Variants in ITSN2 observed in about 807,000 individuals in gnomAD.
ITSN2 encodes the protein intersectin-2.
Under a neutral mutation model 243.7 loss-of-function variants are expected in ITSN2, and 156 were observed. The ratio of observed to expected loss-of-function variants is 0.64; its 90% confidence interval spans 0.56 to 0.73. The LOEUF is 0.73. Ranked by LOEUF, ITSN2 falls within the 30% of genes least tolerant of loss-of-function variation. The pLI is 0.00. For missense variants in ITSN2, 1,801 were observed against 1,996.1 expected (o/e 0.90, Z 1.86); for synonymous variants, 703 against 699.9 (o/e 1.00, Z -0.07).
chr2:24,357,065 T>C (rs1055183621), intron 1 of ITSN2, among the ~76,000 whole-genome samples: 1 of 152,226 alleles, frequency 6.6e-6, no homozygotes, highest in Non-Finnish European at 1.5e-5. Context: ...GAAGATAGTA[T>C]GGCAATTCCT....
chr2:24,357,508 G>A (rs977250046), intron 1 of ITSN2, among the ~76,000 whole-genome samples: 4 of 152,036 alleles, frequency 2.6e-5, no homozygotes, highest in Admixed American at 6.6e-5. Context: ...CTTAGAGGAC[G>A]GGTGAATAGG....
At chr2:24,304,125 C>T (rs1172570610) in intron 8 of ITSN2, among the ~76,000 whole-genome samples, 1 of 152,182 alleles carries the variant, frequency 6.6e-6, no homozygotes, top group African/African-American at 2.4e-5. Flanking sequence ...ACACAAGTGG[C>T]TAACGTGAAA....
intron 1 of ITSN2, among the ~76,000 whole-genome samples, chr2:24,337,317 T>TATATATATAC (rs1686509267): frequency 2.0e-5 from 1 of 49,172 alleles, no homozygotes; most frequent in African/African-American, 1.0e-4. Context: ...ATACACAAAA[T>TATATATATAC]ATATATATAT....
chr2:24,322,778 A>C (rs142586419), intron 2 of ITSN2, among the ~76,000 whole-genome samples: 22 of 152,310 alleles, frequency 1.4e-4, no homozygotes, highest in African/African-American at 4.6e-4. Context: ...TAAGAAAAGG[A>C]AAAGACAAAC....
chr2:24,247,857 C>T (rs112795644), intron 27 of ITSN2, among the ~76,000 whole-genome samples: 21 of 152,144 alleles, frequency 1.4e-4, no homozygotes, highest in East Asian at 3.9e-4. Flanking sequence ...CCACTTAGTT[C>T]GGTCCATCTT....
In ITSN2 at chr2:24,203,184, G is replaced by A. The variant is rs889662870; in HGVS notation, c.*442C>T. On this transcript the variant is annotated 3_prime_UTR_variant, in exon 40 of 40. Coordinates refer to ENST00000355123, the MANE Select transcript of ITSN2 (RefSeq NM_006277.3). Reference sequence around the variant, plus strand: ...GTATCAGGCCGCGCCAAGTGTCGAGGCTGCAGCCTCTCATCCTGACCCTTC... The same window carrying A: ...GTATCAGGCCGCGCCAAGTGTCGAGACTGCAGCCTCTCATCCTGACCCTTC... 1.3e-5 allele frequency: 2 copies of A among 156,344 alleles called. No homozygotes were observed. The highest frequency in any genetic ancestry group is 4.8e-5 in the African/African-American group (2 of 41,560). The allele number at this position is 156,344 out of a possible 1,614,324, so 9.7% of individuals were successfully genotyped here.
intron 1 of ITSN2, among the ~76,000 whole-genome samples, chr2:24,340,139 C>T (rs1686883676): frequency 6.6e-6 from 1 of 152,156 alleles, no homozygotes; most frequent in Non-Finnish European, 1.5e-5. Context: ...TGATTTTGGA[C>T]ATTGCTGTGC....
intron 27 of ITSN2, 137 bp downstream of exon 27, chr2:24,248,492 C>A: frequency 1.7e-6 from 1 of 589,754 alleles, no homozygotes. Context: ...AAATATAATG[C>A]AGTAAAATAT....
In ITSN2 at chr2:24,220,930, C is replaced by G. The variant is rs761775937; in HGVS notation, c.3699+15G>C. The G allele has an allele frequency of 4.4e-6, 7 of 1,587,830 alleles. No homozygotes were observed. The Admixed American group carries it at 1.3e-4, about 29-fold the overall frequency. On this transcript the variant is annotated intron_variant, in intron 30 of 39. Transcript: ENST00000355123. ...AGCAGATACCCCGAGAGCTAGCCAG[C>G]AGCAGCCTCCTCACCTCGACGACGA...
At chr2:24,355,020 A>G (rs1408553479) in intron 1 of ITSN2, among the ~76,000 whole-genome samples, 3 of 152,194 alleles carry the variant, frequency 2.0e-5, no homozygotes, top group Admixed American at 1.3e-4. Context: ...GTGAAAATAC[A>G]TATTTCTTGA....
intron 29 of ITSN2, chr2:24,240,105 T>G (rs1391975293): frequency 6.6e-6 from 1 of 152,132 alleles, no homozygotes; most frequent in Admixed American, 6.6e-5. Flanking sequence ...ATAAACTCAG[T>G]TTCAGAATTA....
chr2:24,287,264 T>C (rs1017956938), intron 15 of ITSN2, among the ~76,000 whole-genome samples: 5 of 152,148 alleles, frequency 3.3e-5, no homozygotes, highest in Non-Finnish European at 7.4e-5. Context: ...AATTGCTCCA[T>C]AGTAGTTTAC....
At chr2:24,255,331 T>C (rs1674874745) in intron 23 of ITSN2, among the ~76,000 whole-genome samples, 1 of 152,188 alleles carries the variant, frequency 6.6e-6, no homozygotes, top group South Asian at 2.1e-4. Flanking sequence ...ATTATATTCT[T>C]CTAAATCCAA....
At chr2:24,230,505 C>G (rs941835215) in intron 29 of ITSN2, among the ~76,000 whole-genome samples, 3 of 152,158 alleles carry the variant, frequency 2.0e-5, no homozygotes, top group Non-Finnish European at 2.9e-5. Flanking sequence ...CGGTGGCTCA[C>G]GCCTGTAATC....
intron 20 of ITSN2, among the ~76,000 whole-genome samples, chr2:24,264,158 G>A (rs980915883): frequency 7.2e-5 from 11 of 152,130 alleles, no homozygotes; most frequent in East Asian, 1.9e-4. Context: ...TTGGAAGGCC[G>A]AGGGGGGCAG....
At position 24,209,054 on chromosome 2, in the gene ITSN2, G is replaced by A. The variant is rs752959654; in HGVS notation, c.4595+46C>T. On this transcript the variant is annotated intron_variant, in intron 36 of 39. Transcript: ENST00000355123. ...GTTTATGGCAGAGGGAGACGTCCAGGCCTTCTCCCAGAGTTCAAGGCAGGC... is the reference window on the plus strand; with the variant it reads ...GTTTATGGCAGAGGGAGACGTCCAGACCTTCTCCCAGAGTTCAAGGCAGGC... 6 of 1,606,582 alleles carry A rather than the reference G, an allele frequency of 3.7e-6. No homozygotes were observed. In the Admixed American group the frequency reaches 6.7e-5, roughly 18 times the overall value.
At chr2:24,255,895 CA>C (rs1191176858) in intron 23 of ITSN2, among the ~76,000 whole-genome samples, 2 of 152,080 alleles carry the variant, frequency 1.3e-5, no homozygotes, top group Admixed American at 6.6e-5. Context: ...GCTAAAAATA[CA>C]AAAAAATTTA....
At chr2:24,206,243 C>A (rs1469318760) in intron 37 of ITSN2, 38 of 422,350 alleles carry the variant, frequency 9.0e-5, no homozygotes, top group Non-Finnish European at 1.4e-5. Context: ...TTTAAACATA[C>A]CTTTTAGGAG....
chr2:24,210,784 G>T lies in ITSN2; in HGVS notation c.4253C>A (p.Ala1418Glu). Residue 1418 changes from alanine (A) to glutamate (E), a missense_variant, in exon 34 of 40, where the codon GCG becomes GAG. Transcript: ENST00000355123. ...GCTTAACCACACAGGCCTGACCTCC[G>T]CGAGGCCTTCACACTGCACGTGCGC... The part of the protein sequence containing the change: ...IQAHVQCEGL[A>E]EQLIFNSLTN... 4 of 1,613,582 alleles carry T rather than the reference G, an allele frequency of 2.5e-6. No individual in the cohort carries two copies. The highest frequency in any genetic ancestry group is 3.4e-6 in the Non-Finnish European group (4 of 1,179,776).
Sources: gnomAD v4.1 joint callset for allele counts (sites outside exome capture counted in the v4.1 genomes callset) on GRCh38, gnomAD v4.1.1 for gene constraint, MANE v1.5 for transcripts, NCBI Gene and HGNC (gene_info 2026-07-23, HGNC 2026-07-21) for gene names.